The following CDC73 variants were observed in gnomAD, a reference collection of about 807,000 sequenced individuals.
CDC73 encodes the protein cell division cycle 73.
Under a neutral mutation model 83.7 loss-of-function variants are expected in CDC73, and 21 were observed. The observed-to-expected ratio is 0.25, with a 90% confidence interval of 0.18 to 0.36. CDC73 has a LOEUF of 0.36. Ranked by LOEUF, CDC73 falls within the 10% of genes least tolerant of loss-of-function variation. The probability of loss-of-function intolerance (pLI) is 1.00; values close to 1 mark genes in which losing one functional copy is unlikely to be tolerated. For synonymous variants in CDC73, 224 were observed against 212.9 expected (o/e 1.05, Z -0.45); for missense variants, 342 against 653.3 (o/e 0.52, Z 5.19).
chr1:193,178,277 GATA>G (rs1457042097), intron 10 of CDC73, among the ~76,000 whole-genome samples: 1 of 152,032 alleles, frequency 6.6e-6, no homozygotes. Context: ...CGTTTTTCAA[GATA>G]ATGTTAGGAA....
chr1:193,163,679 T>G (rs753642387), intron 10 of CDC73, among the ~76,000 whole-genome samples: 2 of 152,174 alleles, frequency 1.3e-5, no homozygotes, highest in Non-Finnish European at 2.9e-5. Flanking sequence ...TGATAGACAT[T>G]TGTATTATTT....
chr1:193,251,175 A>G lies in CDC73; in HGVS notation c.*463A>G, dbSNP rs879039427. The G allele has an allele frequency of 2.9e-5, 7 of 242,406 alleles. No individual in the cohort carries two copies. The highest frequency in any genetic ancestry group is 1.5e-4 in the South Asian group (1 of 6,626). 15.0% of individuals were successfully genotyped at this position (242,406 alleles called of 1,614,324 possible). The stretch of plus-strand genomic sequence containing the variant: ...GATGTGACTATTTTGAATGAATCAG[A>G]ATGTCAACTTGTATGTACACTATAT... On this transcript the variant is annotated 3_prime_UTR_variant, in exon 17 of 17. Coordinates refer to ENST00000367435, the MANE Select transcript of CDC73 (RefSeq NM_024529.5).
rs201012067 is a variant in CDC73 at position 193,138,069 on chromosome 1, C to T, written c.424-16C>T. The T allele has an allele frequency of 1.7e-4, 269 of 1,588,040 alleles. 1 individual carries two copies. Among genetic ancestry groups the T allele is most frequent in the Middle Eastern group, 1.7e-4 (1 of 6,006 alleles). ...CAATAAAAATTTTAAATGCATTAACCAGTGGTTATTTCCAGGATGAAGAGT... is the reference window on the plus strand; with the variant it reads ...CAATAAAAATTTTAAATGCATTAACTAGTGGTTATTTCCAGGATGAAGAGT... On this transcript the variant is annotated splice_polypyrimidine_tract_variant and intron_variant, in intron 5 of 16. Transcript: ENST00000367435.
At position 193,181,149 on chromosome 1, in the gene CDC73, A is replaced by G. The variant is rs1483214725; in HGVS notation, c.973-22646A>G. On this transcript the variant is annotated intron_variant, in intron 10 of 16. Coordinates refer to ENST00000367435, the MANE Select transcript of CDC73 (RefSeq NM_024529.5). ...GGCATTTTTCAGGCTCATTAATAAT[A>G]TATTTGAAATGGTAAGAATTTGGAT... 6 of 1,613,832 alleles carry G rather than the reference A, an allele frequency of 3.7e-6. No homozygotes were observed. The East Asian group carries it at 6.7e-5, about 18-fold the overall frequency.
chr1:193,207,900 T>C (rs6697079), intron 11 of CDC73, among the ~76,000 whole-genome samples: 94,951 of 152,044 alleles, frequency 0.62, 30,103 homozygotes, highest in South Asian at 0.77. Flanking sequence ...ACTTCTCCTC[T>C]TATCCCATAG....
intron 11 of CDC73, among the ~76,000 whole-genome samples, chr1:193,208,594 GT>G (rs1003230664): frequency 9.2e-5 from 14 of 151,932 alleles, no homozygotes; most frequent in African/African-American, 2.4e-4. Flanking sequence ...CAAATCCATT[GT>G]TTTTTTTCTT....
In CDC73 at chr1:193,184,267, G is replaced by A. The variant is rs140002905; in HGVS notation, c.973-19528G>A. On this transcript the variant is annotated intron_variant, in intron 10 of 16. Transcript: ENST00000367435. The stretch of plus-strand genomic sequence containing the variant: ...AAATTCCTTATTAAAAGATTCTCAG[G>A]TCTTATAAATTTTTTTGTTAAAAAG... Among the ~76,000 whole-genome samples the A allele has an allele frequency of 9.5e-3, 1,437 of 151,794 alleles. 15 individuals carry two copies. The highest frequency in any genetic ancestry group is 0.034 in the South Asian group (164 of 4,832).
At chr1:193,182,811 G>T (rs1676739995) in intron 10 of CDC73, among the ~76,000 whole-genome samples, 1 of 152,040 alleles carries the variant, frequency 6.6e-6, no homozygotes, top group Admixed American at 6.6e-5. Flanking sequence ...GGGAGTAGAG[G>T]TGGGCAAAGA....
chr1:193,175,038 T>C (rs1347686268), intron 10 of CDC73, among the ~76,000 whole-genome samples: 10 of 152,144 alleles, frequency 6.6e-5, no homozygotes, highest in Admixed American at 5.9e-4. Context: ...TACAGTGAGA[T>C]AGAAGGTATG....
intron 10 of CDC73, chr1:193,181,824 A>C (rs1676722403): frequency 2.6e-6 from 1 of 391,990 alleles, no homozygotes; most frequent in East Asian, 3.8e-5. Context: ...CCTTGGCAAC[A>C]TAACATCACT....
At chr1:193,181,228 A>G (rs1427358244) in intron 10 of CDC73, 1 of 1,613,962 alleles carries the variant, frequency 6.2e-7, no homozygotes, top group Non-Finnish European at 8.5e-7. Flanking sequence ...TGTATTCTCC[A>G]GGCCTGTAAC....
Position 193,185,789 on chromosome 1 carries a change from C to T in CDC73, c.973-18006C>T, listed in dbSNP as rs191968912. Among the ~76,000 whole-genome samples, 32 of 152,152 alleles carry T rather than the reference C, an allele frequency of 2.1e-4. No homozygotes were observed. The East Asian group carries it at 6.0e-3, about 28-fold the overall frequency. The stretch of plus-strand genomic sequence containing the variant: ...CACATCTTCTTCTTATTTGCCTTTT[C>T]CCTCTGATGTCTATTACCCAGAATT... On this transcript the variant is annotated intron_variant, in intron 10 of 16. Transcript: ENST00000367435.
intron 11 of CDC73, among the ~76,000 whole-genome samples, chr1:193,204,434 C>T (rs929320920): frequency 7.3e-5 from 11 of 151,458 alleles, no homozygotes; most frequent in East Asian, 3.9e-4. Flanking sequence ...GGACTACAGG[C>T]GCCTGCCACC....
intron 11 of CDC73, 91 bp from the exon 12 acceptor site, chr1:193,211,974 C>G: frequency 1.0e-6 from 1 of 968,216 alleles, no homozygotes; most frequent in South Asian, 1.4e-5. Flanking sequence ...TGGGAATACA[C>G]ATAATTTAAA....
At chr1:193,217,500 A>G (rs912032730) in intron 13 of CDC73, among the ~76,000 whole-genome samples, 1 of 152,004 alleles carries the variant, frequency 6.6e-6, no homozygotes, top group South Asian at 2.1e-4. Context: ...ACCCTGCGTC[A>G]TTCTGATGGC....
At chr1:193,144,040 G>A (rs1263266727) in intron 7 of CDC73, among the ~76,000 whole-genome samples, 1 of 139,218 alleles carries the variant, frequency 7.2e-6, no homozygotes, top group East Asian at 2.1e-4. Flanking sequence ...AACCTGTGAG[G>A]TGGAGGTTGT....
chr1:193,219,840 A>G (rs1677435627), intron 13 of CDC73, among the ~76,000 whole-genome samples: 1 of 152,190 alleles, frequency 6.6e-6, no homozygotes, highest in Non-Finnish European at 1.5e-5. Flanking sequence ...GACATGCAAT[A>G]TACCCATGTA....
intron 10 of CDC73, among the ~76,000 whole-genome samples, chr1:193,201,866 G>C (rs923623142): frequency 3.3e-5 from 5 of 151,942 alleles, no homozygotes; most frequent in Admixed American, 2.0e-4. Flanking sequence ...CTTTCGGTTT[G>C]TGTAGTTATC....
Position 193,247,915 on chromosome 1 carries a change from G to T in CDC73, c.1418-1815G>T, listed in dbSNP as rs1234684747. Among the ~76,000 whole-genome samples, 3 of 152,102 alleles carry T rather than the reference G, an allele frequency of 2.0e-5. No individual in the cohort carries two copies. In the East Asian group the frequency reaches 5.8e-4, roughly 29 times the overall value. Reference sequence around the variant, plus strand: ...TCTCTATAAAATAAAAGTGTAAGGTGAAGCAGCAAGTGCTGATAAAGAAGC... The same window carrying T: ...TCTCTATAAAATAAAAGTGTAAGGTTAAGCAGCAAGTGCTGATAAAGAAGC... On this transcript the variant is annotated intron_variant, in intron 15 of 16. Transcript: ENST00000367435.
Sources: gnomAD v4.1 joint callset for allele counts (sites outside exome capture counted in the v4.1 genomes callset) on GRCh38, gnomAD v4.1.1 for gene constraint, MANE v1.5 for transcripts, NCBI Gene and HGNC (gene_info 2026-07-23, HGNC 2026-07-21) for gene names.